Variants in RARS2 observed in about 807,000 individuals in gnomAD.
The protein encoded by RARS2 is arginyl-tRNA synthetase 2, mitochondrial.
In RARS2, 67 loss-of-function variants were observed where a neutral mutation model predicts 88.5. That is an observed-to-expected ratio of 0.76 (90% confidence interval 0.62 to 0.93). RARS2 has a LOEUF of 0.93. Among genes scored for constraint, RARS2 ranks in the 40% least tolerant of loss-of-function variants. RARS2 has a pLI of 0.00. For missense variants in RARS2, 664 were observed against 684.2 expected (o/e 0.97, Z 0.33); for synonymous variants, 239 against 230.3 (o/e 1.04, Z -0.34).
chr6:87,537,818 G>C (rs1056282592), intron 8 of RARS2, among the ~76,000 whole-genome samples: 2 of 152,136 alleles, frequency 1.3e-5, no homozygotes, highest in Admixed American at 6.5e-5. Flanking sequence ...AATACACCAA[G>C]CACTTTCCAA....
chr6:87,575,525 G>A (rs1771212964), intron 1 of RARS2, among the ~76,000 whole-genome samples: 1 of 152,142 alleles, frequency 6.6e-6, no homozygotes, highest in African/African-American at 2.4e-5. Context: ...AGCTATGTAT[G>A]TGCTGGGACC....
intron 1 of RARS2, among the ~76,000 whole-genome samples, chr6:87,578,451 T>C (rs1228397340): frequency 6.6e-6 from 1 of 152,214 alleles, no homozygotes; most frequent in Non-Finnish European, 1.5e-5. Context: ...TTATTTAAAA[T>C]GAGCAGGCAT....
chr6:87,542,799 C>G (rs1463027191), intron 7 of RARS2, among the ~76,000 whole-genome samples: 1 of 129,312 alleles, frequency 7.7e-6, no homozygotes, highest in African/African-American at 3.0e-5. Context: ...ATATATGCAG[C>G]CTGGGTTAAG....
chr6:87,582,198 GCTGAA>G (rs1233032938), intron 1 of RARS2, among the ~76,000 whole-genome samples: 1 of 152,110 alleles, frequency 6.6e-6, no homozygotes, highest in African/African-American at 2.4e-5. Context: ...TTCCACAATG[GCTGAA>G]CTAATTTACA....
At chr6:87,528,156 C>G (rs940924901) in intron 10 of RARS2, among the ~76,000 whole-genome samples, 7 of 148,446 alleles carry the variant, frequency 4.7e-5, no homozygotes, top group African/African-American at 1.7e-4. Flanking sequence ...AGGTGCTGAA[C>G]ATCACTAATC....
intron 1 of RARS2, among the ~76,000 whole-genome samples, chr6:87,581,339 A>C (rs1372748036): frequency 2.0e-5 from 3 of 152,180 alleles, no homozygotes; most frequent in Non-Finnish European, 1.5e-5. Flanking sequence ...TCTATAGGCC[A>C]TGAGTCTAAA....
At chr6:87,548,767 A>G (rs953751418) in intron 5 of RARS2, 121 bp from the exon 6 acceptor site, 43 of 877,698 alleles carry the variant, frequency 4.9e-5, no homozygotes, top group South Asian at 3.4e-4. Flanking sequence ...TAGGGCAAAG[A>G]TAAGTTAAAA....
intron 5 of RARS2, among the ~76,000 whole-genome samples, chr6:87,554,602 G>C (rs1785235547): frequency 6.6e-6 from 1 of 152,096 alleles, no homozygotes; most frequent in Non-Finnish European, 1.5e-5. Flanking sequence ...CACTACAGGA[G>C]TGTGCCACCA....
intron 5 of RARS2, among the ~76,000 whole-genome samples, chr6:87,552,358 AG>A (rs1435460717): frequency 6.6e-6 from 1 of 152,218 alleles, no homozygotes; most frequent in Non-Finnish European, 1.5e-5. Flanking sequence ...CACAACAGCA[AG>A]AACTATAGCA....
chr6:87,534,251 ATAAC>A (rs539846566), intron 8 of RARS2, among the ~76,000 whole-genome samples: 62 of 152,332 alleles, frequency 4.1e-4, no homozygotes, highest in African/African-American at 1.4e-3. Flanking sequence ...AGGTAAAAAA[ATAAC>A]TAACTTGAGC....
At chr6:87,587,301 C>G (rs1775457829) in intron 1 of RARS2, among the ~76,000 whole-genome samples, 1 of 152,208 alleles carries the variant, frequency 6.6e-6, no homozygotes, top group Non-Finnish European at 1.5e-5. Context: ...AATTTTGGAG[C>G]ATTTCAGATT....
intron 1 of RARS2, among the ~76,000 whole-genome samples, chr6:87,578,131 T>A (rs1388062606): frequency 6.7e-6 from 1 of 150,242 alleles, no homozygotes; most frequent in Non-Finnish European, 1.5e-5. Context: ...CATCTCTATT[T>A]AAAAATAAAA....
intron 16 of RARS2, 93 bp from the exon 17 acceptor site, chr6:87,518,357 C>T (rs1010763194): frequency 1.9e-6 from 3 of 1,591,726 alleles, no homozygotes; most frequent in Non-Finnish European, 8.5e-7. Context: ...TTATAATACA[C>T]AATTTTGGTC....
chr6:87,514,580 T>C, intron 19 of RARS2, 81 bp from the exon 20 acceptor site: 1 of 1,214,526 alleles, frequency 8.2e-7, no homozygotes, highest in East Asian at 2.4e-5. Context: ...TTAAAGGTTA[T>C]TCTTTCTAGT....
intron 5 of RARS2, among the ~76,000 whole-genome samples, chr6:87,551,626 C>CCAAAA (rs1554200913): frequency 1.5e-5 from 1 of 65,166 alleles, no homozygotes; most frequent in Non-Finnish European, 2.6e-5. Flanking sequence ...TCCGTCTCAA[C>CCAAAA]AAAAAAAAAA....
At chr6:87,549,748 G>A (rs1783776818) in intron 5 of RARS2, among the ~76,000 whole-genome samples, 1 of 151,988 alleles carries the variant, frequency 6.6e-6, no homozygotes, top group Non-Finnish European at 1.5e-5. Flanking sequence ...CACACTTCAT[G>A]GGCATTAACT....
At chr6:87,584,830 GGTATATACCATA>G (rs1416960149) in intron 1 of RARS2, 1 of 388,336 alleles carries the variant, frequency 2.6e-6, no homozygotes, top group African/African-American at 2.1e-5. Flanking sequence ...GCTTCTCTAT[GGTATATACCATA>G]GAGAAGGGGT....
intron 7 of RARS2, among the ~76,000 whole-genome samples, chr6:87,543,070 G>A (rs1189240172): frequency 2.6e-5 from 4 of 152,190 alleles, no homozygotes; most frequent in African/African-American, 9.7e-5. Flanking sequence ...GGGAGGCCAA[G>A]GTGGGTGGAT....
At chr6:87,564,633 C>A in intron 2 of RARS2, 2 of 325,536 alleles carry the variant, frequency 6.1e-6, no homozygotes, top group South Asian at 2.6e-5. Context: ...TGTGCCACTG[C>A]ACTCCAGCCT....
Sources: gnomAD v4.1 joint callset for allele counts (sites outside exome capture counted in the v4.1 genomes callset) on GRCh38, gnomAD v4.1.1 for gene constraint, MANE v1.5 for transcripts, NCBI Gene and HGNC (gene_info 2026-07-23, HGNC 2026-07-21) for gene names.